The following SLC25A29 variants were observed in gnomAD, a reference collection of about 807,000 sequenced individuals.
SLC25A29 encodes the protein solute carrier family 25 member 29, also known as mitochondrial basic amino acids transporter.
Under a neutral mutation model 10.0 loss-of-function variants are expected in SLC25A29, and 13 were observed. That is an observed-to-expected ratio of 1.30 (90% CI 0.85 to 2.07). The LOEUF is 2.07. Ranked by LOEUF, SLC25A29 falls within the 30% of genes most tolerant of loss-of-function variation. The probability of loss-of-function intolerance (pLI) is 0.00; values close to 1 mark genes in which losing one functional copy is unlikely to be tolerated. For synonymous variants in SLC25A29, 244 were observed against 221.1 expected (o/e 1.10, Z -0.92); for missense variants, 475 against 447.6 (o/e 1.06, Z -0.55).
Position 100,292,140 on chromosome 14 carries a change from A to G in SLC25A29, c.*143T>C, listed in dbSNP as rs1311648719. 1 of 1,114,588 alleles carries G rather than the reference A, an allele frequency of 9.0e-7. No individual in the cohort carries two copies. The highest frequency in any genetic ancestry group is 1.3e-5 in the South Asian group (1 of 74,768). 69.0% of individuals were successfully genotyped at this position (1,114,588 alleles called of 1,614,324 possible). A position where few individuals can be genotyped will look rare whatever the true frequency, so the allele number is the denominator to read the frequency against. On this transcript the variant is annotated 3_prime_UTR_variant, in exon 4 of 4. Transcript: ENST00000359232. ...GTGCAGTTCTCGGCCAAAACTACCC[A>G]GCTGATCAGCAAAATTCAGCCCACG... is the stretch of plus-strand genomic sequence containing the variant.
chr14:100,295,919 T>G, intron 2 of SLC25A29: 1 of 1,289,792 alleles, frequency 7.8e-7, no homozygotes, highest in African/African-American at 1.5e-5. Context: ...GAAGGCCGTG[T>G]GCTTCAGGAC....
rs757001129 is a variant in SLC25A29, at chr14:100,293,338, G to A, written c.118C>T (p.Arg40Cys). The A allele has an allele frequency of 1.1e-5, 18 of 1,613,360 alleles. No individual in the cohort carries two copies. The highest frequency in any genetic ancestry group is 1.7e-4 in the Middle Eastern group (1 of 6,054). Residue 40 changes from arginine (R) to cysteine (C), a missense_variant, in exon 3 of 4, where the codon CGC (arginine) becomes TGC (cysteine). Transcript: ENST00000359232. ...QVQSVEKPQY[R>C]GTLHCFKSII... is the part of the protein sequence containing the mutation. ...GACTTGAAGCAGTGCAACGTCCCGC[G>A]GTACTGAGGCTTCTCCACGCTCTGG...
At chr14:100,305,898 G>A in intron 1 of SLC25A29, 1 of 343,238 alleles carries the variant, frequency 2.9e-6, no homozygotes. Flanking sequence ...CTCGGCGCGG[G>A]GGGCAGTGGG....
chr14:100,295,199 C>T (rs1005822970), intron 2 of SLC25A29: 1 of 168,370 alleles, frequency 5.9e-6, no homozygotes, highest in African/African-American at 2.4e-5. Flanking sequence ...GGCCTCTCCC[C>T]ACTTTGTTTC....
At chr14:100,297,064 G>A (rs540902668) in intron 2 of SLC25A29, among the ~76,000 whole-genome samples, 8 of 152,148 alleles carry the variant, frequency 5.3e-5, no homozygotes, top group East Asian at 3.9e-4. Context: ...CCAAGGTCGC[G>A]CCACTGCACT....
chr14:100,304,096 C>A (rs1481630196), intron 1 of SLC25A29, among the ~76,000 whole-genome samples: 2 of 152,142 alleles, frequency 1.3e-5, no homozygotes, highest in South Asian at 2.1e-4. Context: ...CCACACTAGG[C>A]GAATAGTAGG....
chr14:100,301,802 G>A (rs967353172), intron 1 of SLC25A29, among the ~76,000 whole-genome samples: 8 of 151,834 alleles, frequency 5.3e-5, no homozygotes, highest in Non-Finnish European at 1.0e-4. Flanking sequence ...GAGCCACCAC[G>A]CCCGGCACTT....
intron 1 of SLC25A29, 41 bp downstream of exon 1, chr14:100,306,158 G>T: frequency 7.1e-7 from 1 of 1,403,666 alleles, no homozygotes; most frequent in South Asian, 1.4e-5. Flanking sequence ...TCCCTCCCCG[G>T]ACGCCTCGCC....
At chr14:100,299,840 A>C in intron 1 of SLC25A29, 1 of 985,416 alleles carries the variant, frequency 1.0e-6, no homozygotes, top group Non-Finnish European at 1.2e-6. Context: ...TGTATAATTA[A>C]AACAGCTGGC....
At chr14:100,288,318 G>A (rs980057480), downstream of SLC25A29, among the ~76,000 whole-genome samples, 6 of 135,128 alleles carry the variant, frequency 4.4e-5, no homozygotes, top group Non-Finnish European at 7.7e-5. Context: ...GGAGGTGGAA[G>A]TTGCAGTGAG....
chr14:100,290,925 G>A (rs758951950), downstream of SLC25A29, among the ~76,000 whole-genome samples: 5 of 152,202 alleles, frequency 3.3e-5, no homozygotes, highest in Admixed American at 1.3e-4. Context: ...GCGTGTTCAC[G>A]CCCTTCATTA....
downstream of SLC25A29, among the ~76,000 whole-genome samples, chr14:100,286,476 G>GC (rs758916086): frequency 2.2e-4 from 16 of 71,924 alleles, 1 homozygote; most frequent in Non-Finnish European, 3.6e-4. Context: ...TGGCTGGGGG[G>GC]GGGGGTGTTG....
chr14:100,297,682 C>T (rs1245062988), intron 2 of SLC25A29, among the ~76,000 whole-genome samples: 2 of 152,220 alleles, frequency 1.3e-5, no homozygotes, highest in Non-Finnish European at 2.9e-5. Flanking sequence ...CTCGGCAGGC[C>T]GGTGCAGCAA....
At chr14:100,281,593 C>CT in the SLC25A29 span, 1 of 152,362 alleles carries the variant, frequency 6.6e-6, no homozygotes, top group South Asian at 2.1e-4. Context: ...CCAAGCTGCA[C>CT]TTTCTTGGGG....
rs1245885214 is a variant in SLC25A29 at position 100,293,229 on chromosome 14, G to A, written c.162+65C>T. The A allele has an allele frequency of 6.4e-6, 10 of 1,562,618 alleles. No homozygotes were observed. In the Admixed American group the frequency reaches 8.9e-5, roughly 14 times the overall value. ...CTTCCTGGCTCTCTGGTCTGGGGTGGTGGCAGCCCGGAAGCTAGTTCCCCA... is the reference window on the plus strand; with the variant it reads ...CTTCCTGGCTCTCTGGTCTGGGGTGATGGCAGCCCGGAAGCTAGTTCCCCA... On this transcript the variant is annotated intron_variant, in intron 3 of 3. Transcript: ENST00000359232.
intron 2 of SLC25A29, chr14:100,298,269 TG>T (rs1427401480): frequency 2.5e-5 from 4 of 158,168 alleles, no homozygotes; most frequent in African/African-American, 4.8e-5. Flanking sequence ...AAGCGGAGGG[TG>T]GGGGGTTTAT....
chr14:100,286,468 G>GC (rs1891543730), downstream of SLC25A29, among the ~76,000 whole-genome samples: 2 of 52,562 alleles, frequency 3.8e-5, no homozygotes, highest in Non-Finnish European at 1.0e-4. Flanking sequence ...GCAGAGCATG[G>GC]CTGGGGGGGG....
chr14:100,299,223 T>G, intron 1 of SLC25A29: 3 of 1,163,766 alleles, frequency 2.6e-6, no homozygotes, highest in Non-Finnish European at 2.1e-6. Context: ...ATTTCTGGGA[T>G]ATCCCATTAA....
downstream of SLC25A29, among the ~76,000 whole-genome samples, chr14:100,288,382 CA>C (rs541814439): frequency 9.7e-3 from 621 of 63,772 alleles, 6 homozygotes; most frequent in African/African-American, 0.038. Flanking sequence ...AACTCTATCT[CA>C]AAAAAAAAAA....
Sources: allele counts gnomAD v4.1 joint callset (sites outside exome capture counted in the v4.1 genomes callset), GRCh38; gene constraint gnomAD v4.1.1; transcripts MANE v1.5; gene names NCBI Gene and HGNC (gene_info 2026-07-23, HGNC 2026-07-21).